Variants in RABGAP1L observed in about 807,000 individuals in gnomAD.
The protein encoded by RABGAP1L is RAB GTPase activating protein 1 like.
In RABGAP1L, 63 loss-of-function variants were observed where a neutral mutation model predicts 137.7. That is an observed-to-expected ratio of 0.46 (90% CI 0.37 to 0.56). The LOEUF (loss-of-function observed/expected upper bound fraction) is 0.56. Among genes scored for constraint, RABGAP1L ranks in the 20% least tolerant of loss-of-function variants. RABGAP1L has a pLI of 0.00. For synonymous variants in RABGAP1L, 431 were observed against 433.7 expected (o/e 0.99, Z 0.08); for missense variants, 1,095 against 1,244.0 (o/e 0.88, Z 1.80).
At chr1:174,903,238 G>C (rs1038731722) in intron 19 of RABGAP1L, among the ~76,000 whole-genome samples, 1 of 152,144 alleles carries the variant, frequency 6.6e-6, no homozygotes, top group Admixed American at 6.5e-5. Flanking sequence ...CTTCACCTGG[G>C]TGCCTAAAGC....
At chr1:174,619,442 C>G (rs960303235) in intron 13 of RABGAP1L, among the ~76,000 whole-genome samples, 3 of 152,098 alleles carry the variant, frequency 2.0e-5, no homozygotes, top group South Asian at 2.1e-4. Flanking sequence ...GCAGATCTCT[C>G]GGCAGAAAGT....
rs142682055 is a variant in RABGAP1L at position 174,455,282 on chromosome 1, A to T, written c.1710+61137A>T. ...TGCAAAAATTTGAAAACTTCCAAAAAGGATATTTTATACAAAAGAAATACC... is the reference window on the plus strand; with the variant it reads ...TGCAAAAATTTGAAAACTTCCAAAATGGATATTTTATACAAAAGAAATACC... On this transcript the variant is annotated intron_variant, in intron 13 of 25. Transcript: ENST00000681986. Among the ~76,000 whole-genome samples, 229 of 152,328 alleles carry T rather than the reference A, an allele frequency of 1.5e-3. 1 individual carries two copies. The highest frequency in any genetic ancestry group is 5.8e-3 in the East Asian group (30 of 5,192).
chr1:174,437,915 C>G (rs1343476337), intron 13 of RABGAP1L, among the ~76,000 whole-genome samples: 5 of 152,172 alleles, frequency 3.3e-5, no homozygotes, highest in African/African-American at 1.2e-4. Flanking sequence ...GGCCAATATT[C>G]AACATTCTTA....
intron 13 of RABGAP1L, among the ~76,000 whole-genome samples, chr1:174,525,772 T>C (rs1378700471): frequency 1.3e-5 from 2 of 152,272 alleles, no homozygotes; most frequent in African/African-American, 4.8e-5. Flanking sequence ...TATGGGTTTG[T>C]CATTTATGGT....
Position 174,448,353 on chromosome 1 carries a change from A to G in RABGAP1L, c.1710+54208A>G. ...CATTATACTACCAGCTATTTCATTC[A>G]GACGATGGCATATGCTGATCTTTTC... is the stretch of plus-strand genomic sequence containing the variant. On this transcript the variant is annotated intron_variant, in intron 13 of 25. Coordinates refer to ENST00000681986, the MANE Select transcript of RABGAP1L (RefSeq NM_001366446.1). This position sits in a 1 kb window ranked among gnomAD's most constrained non-coding sequence, Gnocchi z 4.2. 1 of 1,613,986 alleles carries G rather than the reference A, an allele frequency of 6.2e-7. No individual in the cohort carries two copies. Among genetic ancestry groups the G allele is most frequent in the Non-Finnish European group, 8.5e-7 (1 of 1,179,854 alleles).
chr1:174,467,071 A>G (rs1352214689), intron 13 of RABGAP1L, among the ~76,000 whole-genome samples: 1 of 152,162 alleles, frequency 6.6e-6, no homozygotes, highest in African/African-American at 2.4e-5. Context: ...AATATAGTCT[A>G]TTTTGGGCTT....
chr1:174,511,222 TG>T (rs1238664797), intron 13 of RABGAP1L, among the ~76,000 whole-genome samples: 5 of 152,164 alleles, frequency 3.3e-5, no homozygotes, highest in African/African-American at 1.2e-4. Context: ...GAAATAAATG[TG>T]TCTATAAGGT....
chr1:174,951,317 A>T (rs1265382165), intron 19 of RABGAP1L, among the ~76,000 whole-genome samples: 2 of 152,188 alleles, frequency 1.3e-5, no homozygotes, highest in South Asian at 2.1e-4. Flanking sequence ...GGCCAACTGG[A>T]TTTCATTTCT....
At chr1:174,988,895 A>ACTCT in intron 25 of RABGAP1L, 57 bp downstream of exon 25, 2 of 1,436,234 alleles carry the variant, frequency 1.4e-6, no homozygotes, top group Non-Finnish European at 1.9e-6. Context: ...GGTCCAGGAT[A>ACTCT]CTCTAGTACT....
At chr1:174,553,853 G>A (rs1490105975) in intron 13 of RABGAP1L, among the ~76,000 whole-genome samples, 1 of 152,140 alleles carries the variant, frequency 6.6e-6, no homozygotes, top group East Asian at 1.9e-4. Context: ...TTAGCTGGAC[G>A]TGGTGGCACA....
intron 14 of RABGAP1L, among the ~76,000 whole-genome samples, chr1:174,640,328 A>G (rs1328336616): frequency 6.6e-6 from 1 of 152,116 alleles, no homozygotes; most frequent in East Asian, 1.9e-4. Context: ...TAGCATACTT[A>G]TGAGTAATTT....
intron 10 of RABGAP1L, among the ~76,000 whole-genome samples, chr1:174,303,324 A>G (rs1677898936): frequency 6.6e-6 from 1 of 152,096 alleles, no homozygotes; most frequent in Non-Finnish European, 1.5e-5. Flanking sequence ...AGGATTAGGC[A>G]TTAGTGTTTA....
At chr1:174,799,948 A>AGG (rs2148820641) in intron 18 of RABGAP1L, 1 of 200,660 alleles carries the variant, frequency 5.0e-6, no homozygotes, top group South Asian at 2.2e-4. Flanking sequence ...ACACACACAC[A>AGG]CACACACACA....
At chr1:174,796,445 CTT>C (rs554499559) in intron 18 of RABGAP1L, among the ~76,000 whole-genome samples, 49 of 152,132 alleles carry the variant, frequency 3.2e-4, no homozygotes, top group Admixed American at 3.2e-3. Flanking sequence ...CCTAGAATCT[CTT>C]TTTTCATTTC....
intron 3 of RABGAP1L, among the ~76,000 whole-genome samples, chr1:174,225,368 T>C (rs1571635934): frequency 6.6e-6 from 1 of 152,246 alleles, no homozygotes; most frequent in Non-Finnish European, 1.5e-5. Flanking sequence ...GATTGGTCTG[T>C]GGATTATTTT....
chr1:174,267,672 CA>C (rs1233880577), intron 7 of RABGAP1L, among the ~76,000 whole-genome samples: 1 of 152,116 alleles, frequency 6.6e-6, no homozygotes, highest in African/African-American at 2.4e-5. Context: ...TATGAGAAGG[CA>C]GCAAGCACTG....
At chr1:174,163,703 C>T (rs1006198741) in intron 1 of RABGAP1L, among the ~76,000 whole-genome samples, 1 of 150,826 alleles carries the variant, frequency 6.6e-6, no homozygotes, top group Non-Finnish European at 1.5e-5. Flanking sequence ...CATAGTACAG[C>T]CAAAAATATA....
intron 18 of RABGAP1L, among the ~76,000 whole-genome samples, chr1:174,797,716 G>A (rs1293503037): frequency 6.8e-6 from 1 of 147,878 alleles, no homozygotes; most frequent in African/African-American, 2.5e-5. Context: ...GGGGTGTGGT[G>A]TGTGGTGTGT....
intron 4 of RABGAP1L, among the ~76,000 whole-genome samples, chr1:174,237,851 T>C (rs1671351758): frequency 6.6e-6 from 1 of 151,102 alleles, no homozygotes. Flanking sequence ...TCCTGGATAA[T>C]ATCCTGCAGA....
Sources: allele counts gnomAD v4.1 joint callset (sites outside exome capture counted in the v4.1 genomes callset), GRCh38; gene constraint gnomAD v4.1.1; non-coding constraint Gnocchi (gnomAD v3.1); transcripts MANE v1.5; gene names NCBI Gene and HGNC (gene_info 2026-07-23, HGNC 2026-07-21).